CEP112: variants seen among roughly 807,000 people sequenced by gnomAD.
The protein encoded by CEP112 is centrosomal protein of 112 kDa.
Under a neutral mutation model 153.0 loss-of-function variants are expected in CEP112, and 127 were observed. The ratio of observed to expected loss-of-function variants is 0.83; its 90% CI spans 0.72 to 0.96. The LOEUF is 0.96. Ranked by LOEUF, CEP112 falls within the 40% of genes least tolerant of loss-of-function variation. The pLI, the probability that CEP112 is intolerant of heterozygous loss-of-function variation, is 0.00. For synonymous variants in CEP112, 358 were observed against 374.4 expected, an observed-to-expected ratio of 0.96 and a Z score of 0.51; for missense variants, 1,089 against 1,101.2, an observed-to-expected ratio of 0.99 and a Z score of 0.16.
intron 17 of CEP112, among the ~76,000 whole-genome samples, chr17:65,962,207 T>C (rs893825325): frequency 2.6e-5 from 4 of 152,212 alleles, no homozygotes; most frequent in Admixed American, 1.3e-4. Flanking sequence ...CTTGTGAATA[T>C]ACTAATATCC....
intron 23 of CEP112, among the ~76,000 whole-genome samples, chr17:65,706,495 TA>T (rs1291977728): frequency 6.6e-6 from 1 of 152,202 alleles, no homozygotes. Flanking sequence ...GTGCAATGCC[TA>T]AAATCAAGAA....
intron 11 of CEP112, among the ~76,000 whole-genome samples, chr17:66,057,239 A>C (rs2066728202): frequency 6.6e-6 from 1 of 152,214 alleles, no homozygotes; most frequent in South Asian, 2.1e-4. Flanking sequence ...TCCTGAACTA[A>C]GGAAGGAAGA....
At chr17:66,088,105 C>T (rs2068008485) in intron 8 of CEP112, among the ~76,000 whole-genome samples, 1 of 152,004 alleles carries the variant, frequency 6.6e-6, no homozygotes, top group African/African-American at 2.4e-5. Context: ...TGGACTGACC[C>T]CAGCAGCCTA....
intron 21 of CEP112, among the ~76,000 whole-genome samples, chr17:65,789,113 G>A (rs1359040936): frequency 6.6e-6 from 1 of 152,070 alleles, no homozygotes; most frequent in Admixed American, 6.6e-5. Flanking sequence ...TGTCCCAAAG[G>A]CACTCAACTA....
intron 19 of CEP112, among the ~76,000 whole-genome samples, chr17:65,914,967 G>C (rs1196962594): frequency 6.6e-6 from 1 of 152,156 alleles, no homozygotes; most frequent in Non-Finnish European, 1.5e-5. Flanking sequence ...TCAGTTCTCA[G>C]TCCCCATCTA....
intron 21 of CEP112, among the ~76,000 whole-genome samples, chr17:65,812,693 A>C (rs375504856): frequency 4.6e-5 from 7 of 152,352 alleles, no homozygotes; most frequent in African/African-American, 1.7e-4. Context: ...TATTTACATA[A>C]AAGGCAACCT....
intron 23 of CEP112, among the ~76,000 whole-genome samples, chr17:65,718,073 A>T (rs12938995): frequency 6.6e-6 from 1 of 152,230 alleles, no homozygotes; most frequent in Non-Finnish European, 1.5e-5. Flanking sequence ...CTATATTTTA[A>T]CTGGAAGTTG....
At chr17:65,744,193 T>C (rs909501398) in intron 22 of CEP112, among the ~76,000 whole-genome samples, 1 of 152,190 alleles carries the variant, frequency 6.6e-6, no homozygotes, top group Admixed American at 6.5e-5. Context: ...ACTGCACTAA[T>C]TGGGTCCTTT....
At chr17:65,721,457 C>G (rs2049882514) in intron 23 of CEP112, among the ~76,000 whole-genome samples, 1 of 152,190 alleles carries the variant, frequency 6.6e-6, no homozygotes, top group South Asian at 2.1e-4. Context: ...TGAAAAATTA[C>G]TTAAAGTAGC....
intron 24 of CEP112, among the ~76,000 whole-genome samples, chr17:65,662,083 C>A (rs754983328): frequency 2.6e-5 from 4 of 152,146 alleles, no homozygotes; most frequent in Non-Finnish European, 4.4e-5. Flanking sequence ...ATCCTCCCAC[C>A]TCGGCCTCCT....
At chr17:65,730,902 A>C (rs1374414128) in intron 23 of CEP112, among the ~76,000 whole-genome samples, 2 of 151,588 alleles carry the variant, frequency 1.3e-5, no homozygotes, top group Non-Finnish European at 2.9e-5. Flanking sequence ...TCTCTTTTCT[A>C]TGCCTGCAAG....
In CEP112 at chr17:66,187,049, C is replaced by A. The variant is rs230603; in HGVS notation, c.-8-3742G>T. Reference sequence around the variant, plus strand: ...CTATGTAAAATTTTCCATCTCCACTCACTCCTTCCCCTCTGATGGCAGCTG... The same window carrying A: ...CTATGTAAAATTTTCCATCTCCACTAACTCCTTCCCCTCTGATGGCAGCTG... On this transcript the variant is annotated intron_variant, in intron 1 of 26. Coordinates refer to ENST00000535342, the MANE Select transcript of CEP112 (RefSeq NM_001199165.4). Among the ~76,000 whole-genome samples the A allele has an allele frequency of 3.2e-3, 490 of 152,268 alleles. 2 individuals are homozygous for A. Among genetic ancestry groups the A allele is most frequent in the African/African-American group, 0.011 (473 of 41,560 alleles).
intron 24 of CEP112, 33 bp downstream of exon 24, chr17:65,689,096 A>G: frequency 6.8e-7 from 1 of 1,474,924 alleles, no homozygotes; most frequent in Non-Finnish European, 9.5e-7. Context: ...AGAGAAAGTA[A>G]ACAAGAGAGT....
At chr17:66,156,989 C>T (rs955596572) in intron 4 of CEP112, among the ~76,000 whole-genome samples, 1 of 152,142 alleles carries the variant, frequency 6.6e-6, no homozygotes, top group African/African-American at 2.4e-5. Flanking sequence ...CCCAACCTGG[C>T]AAGACAAACC....
At chr17:66,128,669 T>C (rs1369633104) in intron 6 of CEP112, among the ~76,000 whole-genome samples, 3 of 152,184 alleles carry the variant, frequency 2.0e-5, no homozygotes, top group African/African-American at 7.2e-5. Context: ...AAGATTCTTA[T>C]AAGGAATTTT....
intron 2 of CEP112, among the ~76,000 whole-genome samples, chr17:66,179,402 C>A (rs1022593907): frequency 6.6e-6 from 1 of 151,594 alleles, no homozygotes; most frequent in South Asian, 2.1e-4. Context: ...TTATAGAGAT[C>A]TTTCACTTCT....
intron 24 of CEP112, among the ~76,000 whole-genome samples, chr17:65,684,602 T>C (rs1404848336): frequency 6.6e-6 from 1 of 152,244 alleles, no homozygotes; most frequent in Non-Finnish European, 1.5e-5. Flanking sequence ...TCACTGTGAA[T>C]AACGAAACAT....
At chr17:66,048,740 G>T (rs1326410513) in intron 12 of CEP112, among the ~76,000 whole-genome samples, 3 of 152,092 alleles carry the variant, frequency 2.0e-5, no homozygotes, top group Non-Finnish European at 4.4e-5. Flanking sequence ...CTTCTGAGTA[G>T]CTGGGATTAC....
At chr17:66,099,285 C>A (rs1040167916) in intron 6 of CEP112, among the ~76,000 whole-genome samples, 1 of 152,128 alleles carries the variant, frequency 6.6e-6, no homozygotes, top group Non-Finnish European at 1.5e-5. Flanking sequence ...AGGCAGATCA[C>A]CTGCAGTCAG....
Sources: allele counts gnomAD v4.1 joint callset (sites outside exome capture counted in the v4.1 genomes callset), GRCh38; gene constraint gnomAD v4.1.1; transcripts MANE v1.5; gene names NCBI Gene and HGNC (gene_info 2026-07-23, HGNC 2026-07-21).